Variants in PPP1R12C observed in about 807,000 individuals in gnomAD.
The protein encoded by PPP1R12C is leukocyte receptor cluster (LRC) encoded novel gene 3.
Under a neutral mutation model 95.6 loss-of-function variants are expected in PPP1R12C, and 48 were observed. The observed-to-expected ratio is 0.50, with a 90% CI of 0.40 to 0.64. The LOEUF (loss-of-function observed/expected upper bound fraction) is 0.64, where lower values mean the gene tolerates loss of function less well. Among genes scored for constraint, PPP1R12C ranks in the 30% least tolerant of loss-of-function variants. The pLI is 0.00. For missense variants in PPP1R12C, 1,057 were observed against 1,083.3 expected, an observed-to-expected ratio of 0.98 and a Z score of 0.34; for synonymous variants, 480 against 460.8, an observed-to-expected ratio of 1.04 and a Z score of -0.53.
chr19:55,104,575 T>C (rs966645735), intron 3 of PPP1R12C, among the ~76,000 whole-genome samples: 22 of 151,778 alleles, frequency 1.4e-4, no homozygotes, highest in African/African-American at 4.1e-4. Flanking sequence ...TGGTGACTTA[T>C]GCCTGTAATC....
rs2085167547 is a variant in PPP1R12C, at chr19:55,117,427, G to A, written c.117C>T (p.Pro39=). 6 of 1,005,676 alleles carry A rather than the reference G, an allele frequency of 6.0e-6. No homozygotes were observed. The highest frequency in any genetic ancestry group is 7.1e-6 in the Non-Finnish European group (6 of 845,452). The allele number at this position is 1,005,676 out of a possible 1,614,324, so 62.3% of individuals were successfully genotyped here. Residue 39 remains proline (P), a synonymous_variant, in exon 1 of 22, where the codon CCC becomes CCT. Transcript: ENST00000263433. ...GGACGGTGCGGGCGCGGCGCTCTCC[G>A]GGGCCAGGCTCGGCGCCCGCCCGCG... The part of the protein sequence containing the change: ...WGARAGAEPG[P]GERRARTVRF...
At position 55,091,389 on chromosome 19, in the gene PPP1R12C, C is replaced by T. The variant is rs1317578576; in HGVS notation, c.*83G>A. 2.9e-6 allele frequency: 4 copies of T among 1,363,718 alleles called. No homozygotes were observed. The highest frequency in any genetic ancestry group is 3.9e-5 in the Admixed American group (2 of 51,392). The allele number at this position is 1,363,718 out of a possible 1,614,324, so 84.5% of individuals were successfully genotyped here. A position where few individuals can be genotyped will look rare whatever the true frequency, so the allele number is the denominator to read the frequency against. On this transcript the variant is annotated 3_prime_UTR_variant, in exon 22 of 22. Transcript: ENST00000263433. ...CTTCTCTGAGACTTCCCCCGGAGCC[C>T]TGTCACTCGTGTTCACACGGGGGAA...
In PPP1R12C at chr19:55,103,420, A is replaced by C. The variant is rs778746272; in HGVS notation, c.720T>G (p.Ile240Met). 8.5e-6 allele frequency: 13 copies of C among 1,526,534 alleles called. No individual in the cohort carries two copies. The highest frequency in any genetic ancestry group is 1.4e-5 in the African/African-American group (1 of 72,164). 94.6% of individuals were successfully genotyped at this position (1,526,534 alleles called of 1,614,324 possible). ...ALHVAAAKGY[I>M]EVMRLLLQAG... ...CTGGCCCAACTCACCTCATCACCTC[A>C]ATGTAGCCCTTGGCAGCAGCCACGT... Residue 240 changes from isoleucine (I) to methionine (M), a missense_variant, in exon 4 of 22, where the codon ATT becomes ATG. Physicochemically the swap from Ile to Met is conservative, Grantham distance 10. Coordinates refer to ENST00000263433, the MANE Select transcript of PPP1R12C (RefSeq NM_017607.4).
chr19:55,095,975 A>G (rs777631288), intron 8 of PPP1R12C, 35 bp from the exon 9 acceptor site: 3 of 1,609,496 alleles, frequency 1.9e-6, no homozygotes, highest in Admixed American at 3.4e-5. Flanking sequence ...GTCACAGAAG[A>G]TGCCAGTTGC....
Position 55,117,463 on chromosome 19 carries a change from C to T in PPP1R12C, c.81G>A (p.Arg27=). The change falls in exon 1 of 22, where the codon CGG becomes CGA. Residue 27 remains arginine (R), a synonymous_variant. Transcript: ENST00000263433. ...AARERRREQL[R]QWGARAGAEP... is the part of the protein sequence containing the mutation. ...CGGCGCCCGCCCGCGCCCCCCACTG[C>T]CGCAGCTGCTCCCGTCGCCGCTCCC... is the stretch of plus-strand genomic sequence containing the variant. 9.9e-7 allele frequency: 1 copy of T among 1,007,286 alleles called. No homozygotes were observed. Among genetic ancestry groups the T allele is most frequent in the Non-Finnish European group, 1.2e-6 (1 of 847,610 alleles). The allele number at this position is 1,007,286 out of a possible 1,614,324, so 62.4% of individuals were successfully genotyped here. A position where few individuals can be genotyped will look rare whatever the true frequency, so the allele number is the denominator to read the frequency against.
intron 1 of PPP1R12C, among the ~76,000 whole-genome samples, chr19:55,116,811 A>C (rs2085159021): frequency 1.3e-5 from 2 of 152,110 alleles, no homozygotes; most frequent in Admixed American, 1.3e-4. Flanking sequence ...GCAGGGAAGG[A>C]GACAAAGTCC....
intron 4 of PPP1R12C, 23 bp downstream of exon 4, chr19:55,103,386 T>C: frequency 2.1e-6 from 3 of 1,444,958 alleles, no homozygotes; most frequent in Non-Finnish European, 1.8e-6. Flanking sequence ...GACAGCAAGA[T>C]GGAACAGACT....
intron 3 of PPP1R12C, among the ~76,000 whole-genome samples, chr19:55,106,342 C>T (rs955238772): frequency 6.6e-6 from 1 of 152,210 alleles, no homozygotes; most frequent in Non-Finnish European, 1.5e-5. Context: ...TCGGGCTGCC[C>T]AGGAGTGGAA....
intron 1 of PPP1R12C, chr19:55,113,616 A>G (rs2085121809): frequency 7.8e-7 from 1 of 1,282,640 alleles, no homozygotes; most frequent in Non-Finnish European, 9.9e-7. Context: ...CTGAGGAAGG[A>G]GTGAAGCTAA....
At chr19:55,097,708 T>C (rs1602982863) in intron 6 of PPP1R12C, among the ~76,000 whole-genome samples, 2 of 152,122 alleles carry the variant, frequency 1.3e-5, no homozygotes, top group African/African-American at 4.8e-5. Flanking sequence ...TTCACACCTT[T>C]GTACTGGGAG....
intron 4 of PPP1R12C, 21 bp from the exon 5 acceptor site, chr19:55,099,116 G>T: frequency 6.6e-7 from 1 of 1,507,122 alleles, no homozygotes. Flanking sequence ...GGGAGGCTCA[G>T]GGTCAGAGGC....
chr19:55,094,981 T>G, intron 11 of PPP1R12C, 183 bp from the exon 12 acceptor site: 4 of 759,560 alleles, frequency 5.3e-6, no homozygotes, highest in Non-Finnish European at 8.6e-6. Context: ...GTCAGAAGGA[T>G]AAAGGACTCT....
chr19:55,105,673 A>G (rs1005872023), intron 3 of PPP1R12C, among the ~76,000 whole-genome samples: 1 of 152,206 alleles, frequency 6.6e-6, no homozygotes, highest in Non-Finnish European at 1.5e-5. Context: ...CCAGCCAGGC[A>G]CCATGGCTCA....
Position 55,109,555 on chromosome 19 carries a change from C to G in PPP1R12C, c.571+2912G>C, listed in dbSNP as rs1042695907. 2.0e-5 allele frequency among the ~76,000 whole-genome samples: 3 copies of G among 152,218 alleles called. No homozygotes were observed. Among genetic ancestry groups the G allele is most frequent in the Non-Finnish European group, 4.4e-5 (3 of 68,040 alleles). On this transcript the variant is annotated intron_variant, in intron 3 of 21. Coordinates refer to ENST00000263433, the MANE Select transcript of PPP1R12C (RefSeq NM_017607.4). This position sits in a 1 kb window ranked among gnomAD's most constrained non-coding sequence, Gnocchi z 4.4. ...ACGAGGTGACTGGCTGAGCAGATCA[C>G]GTGCTCTCACTGAACCCCAGACCCA...
In PPP1R12C at chr19:55,099,014, G is replaced by A. The variant is rs772015560; in HGVS notation, c.813C>T (p.Gly271=). ...WTPLHAAAHW[G]VEDACRLLAE... Reference sequence around the variant, plus strand: ...CCAGCAGGCGGCAGGCATCCTCCACGCCCCAGTGTGCCGCTGCGTGCAGGG... The same window carrying A: ...CCAGCAGGCGGCAGGCATCCTCCACACCCCAGTGTGCCGCTGCGTGCAGGG... The change falls in exon 5 of 22, where the codon GGC becomes GGT. Residue 271 remains glycine, a synonymous_variant. Coordinates refer to ENST00000263433, the MANE Select transcript of PPP1R12C (RefSeq NM_017607.4). The A allele has an allele frequency of 2.1e-5, 32 of 1,555,438 alleles. No individual in the cohort carries two copies. Among genetic ancestry groups the A allele is most frequent in the Middle Eastern group, 1.7e-4 (1 of 5,798 alleles).
At chr19:55,098,754 TG>T in intron 6 of PPP1R12C, 29 bp downstream of exon 6, 3 of 1,612,694 alleles carry the variant, frequency 1.9e-6, no homozygotes, top group Non-Finnish European at 2.5e-6. Flanking sequence ...ATGGGGAGTC[TG>T]GGGTAAGCCC....
At chr19:55,112,193 CCCGGCATTCCAAT>C in intron 3 of PPP1R12C, 1 of 157,526 alleles carries the variant, frequency 6.3e-6, no homozygotes, top group South Asian at 1.9e-4. Context: ...CCCACCCCGC[CCCGGCATTCCAAT>C]CCCCTCAGTT....
At chr19:55,092,890 G>T in intron 15 of PPP1R12C, 22 bp from the exon 16 acceptor site, 1 of 1,601,458 alleles carries the variant, frequency 6.2e-7, no homozygotes. Context: ...GCAGGAATCA[G>T]CCCAGGCACC....
In PPP1R12C at chr19:55,103,482, C is replaced by T. The variant is rs1292137694; in HGVS notation, c.658G>A (p.Glu220Lys). ...RCWLNGGAMP[E>K]ARHPRTGASA... is the part of the protein sequence containing the mutation. The stretch of plus-strand genomic sequence containing the variant: ...GCGCCTGTGCGGGGGTGCCGGGCCT[C>T]TGGCATGGCGCCCCCATTCAGCCAG... Residue 220 changes from glutamate (E) to lysine (K), a missense_variant, in exon 4 of 22, where the codon GAG becomes AAG. By Grantham distance (56) the Glu-to-Lys change is moderately conservative. This residue lies in a region of PPP1R12C where 282 missense variants were observed against 380.4 expected (regional missense o/e 0.74). Coordinates refer to ENST00000263433, the MANE Select transcript of PPP1R12C (RefSeq NM_017607.4). The T allele has an allele frequency of 6.2e-7, 1 of 1,602,364 alleles. No homozygotes were observed. Among genetic ancestry groups the T allele is most frequent in the African/African-American group, 1.3e-5 (1 of 74,528 alleles).
Sources: gnomAD v4.1 joint callset for allele counts (sites outside exome capture counted in the v4.1 genomes callset) on GRCh38, gnomAD v4.1.1 for gene constraint, gnomAD v4.1.1 regional missense constraint, Gnocchi (gnomAD v3.1) non-coding constraint, MANE v1.5 for transcripts, NCBI Gene and HGNC (gene_info 2026-07-23, HGNC 2026-07-21) for gene names.